NMS: variants seen among roughly 807,000 people sequenced by gnomAD.
The protein encoded by NMS is neuromedin S, also known as neuromedin-S.
NMS carries 30 observed loss-of-function variants against 32.2 expected under a neutral mutation model. That is an observed-to-expected ratio of 0.93 (90% CI 0.70 to 1.26). NMS has a LOEUF of 1.26. Among genes scored for constraint, NMS ranks in the 50% most tolerant of loss-of-function variants. NMS has a pLI of 0.00. For synonymous variants in NMS, 76 were observed against 58.5 expected (o/e 1.30, Z -1.37); for missense variants, 190 against 186.3 (o/e 1.02, Z -0.12).
chr2:100,480,141 T>A (rs7568283), intron 6 of NMS, among the ~76,000 whole-genome samples: 48,917 of 152,084 alleles, frequency 0.32, 8,934 homozygotes, highest in African/African-American at 0.49. Flanking sequence ...CTTACACCAG[T>A]TTCACAGGCA....
intron 8 of NMS, among the ~76,000 whole-genome samples, chr2:100,482,028 AG>A (rs981802808): frequency 6.6e-6 from 1 of 151,914 alleles, no homozygotes; most frequent in Non-Finnish European, 1.5e-5. Flanking sequence ...CAAAGACTAA[AG>A]GGGGGGGATG....
chr2:100,477,329 C>A, intron 4 of NMS, 32 bp from the exon 5 acceptor site: 3 of 1,606,228 alleles, frequency 1.9e-6, no homozygotes, highest in Non-Finnish European at 1.7e-6. Context: ...AAGTGACACT[C>A]GATACTAATA....
Position 100,473,480 on chromosome 2 carries a change from A to AT in NMS, c.133-3dup. On this transcript the variant is annotated splice_polypyrimidine_tract_variant and intron_variant, in intron 2 of 9. Transcript: ENST00000376865. ...CCCTTTGATTTGTTTTCTTCATTTT[A>AT]TTTTTTAGCAGCTGGCATATTGTCT... The AT allele has an allele frequency of 6.8e-7, 1 of 1,481,028 alleles. No individual in the cohort carries two copies. Among genetic ancestry groups the AT allele is most frequent in the Non-Finnish European group, 9.0e-7 (1 of 1,106,148 alleles). 91.7% of individuals were successfully genotyped at this position (1,481,028 alleles called of 1,614,324 possible).
At position 100,472,825 on chromosome 2, in the gene NMS, A is replaced by G. The variant is rs778733310; in HGVS notation, c.107A>G (p.Asp36Gly). The G allele has an allele frequency of 8.7e-6, 14 of 1,611,132 alleles. No individual in the cohort carries two copies. The highest frequency in any genetic ancestry group is 1.1e-5 in the Non-Finnish European group (13 of 1,177,738). The change falls in exon 2 of 10, where the codon GAT (aspartate) becomes GGT (glycine). Residue 36 changes from aspartate (D) to glycine (G), a missense_variant. By Grantham distance (94) the Asp-to-Gly change is moderately conservative (BLOSUM62 -1). Transcript: ENST00000376865. Reference protein sequence around the residue: ...GFPQPLADPSDGLDIVQLEQL... With the variant: ...GFPQPLADPSGGLDIVQLEQL... The stretch of plus-strand genomic sequence containing the variant: ...CCTCAACCTTTAGCTGATCCTTCAG[A>G]TGGCTTGGATATTGTGCAGCTTGAG...
intron 3 of NMS, among the ~76,000 whole-genome samples, chr2:100,476,975 C>T (rs1176267803): frequency 6.6e-6 from 1 of 152,148 alleles, no homozygotes; most frequent in Non-Finnish European, 1.5e-5. Context: ...GAGAGTAGGT[C>T]TCTCCTCCCC....
intron 6 of NMS, among the ~76,000 whole-genome samples, chr2:100,479,917 AAAT>A (rs1267783783): frequency 6.6e-6 from 1 of 152,240 alleles, no homozygotes; most frequent in African/African-American, 2.4e-5. Context: ...TAGCAAAAAT[AAAT>A]AAACAAATAG....
intron 9 of NMS, among the ~76,000 whole-genome samples, chr2:100,482,671 G>A (rs1052803234): frequency 6.6e-6 from 1 of 152,264 alleles, no homozygotes; most frequent in East Asian, 1.9e-4. Flanking sequence ...ACACCACCCT[G>A]TCATGCTTGG....
Position 100,477,343 on chromosome 2 carries a change from C to T in NMS, c.208-18C>T. On this transcript the variant is annotated intron_variant, in intron 4 of 9. Coordinates refer to ENST00000376865, the MANE Select transcript of NMS (RefSeq NM_001011717.1). ...CAAGTGACACTCGATACTAATATCA[C>T]TTTCTTTTCTTATTTAGTTTTTGTT... 6.2e-6 allele frequency: 10 copies of T among 1,612,556 alleles called. No homozygotes were observed. Among genetic ancestry groups the T allele is most frequent in the Non-Finnish European group, 8.5e-6 (10 of 1,178,642 alleles).
intron 5 of NMS, among the ~76,000 whole-genome samples, chr2:100,478,541 C>A (rs1226704323): frequency 6.6e-6 from 1 of 152,206 alleles, no homozygotes; most frequent in Non-Finnish European, 1.5e-5. Context: ...CAGCTCACTG[C>A]AATCTCCGCC....
intron 3 of NMS, among the ~76,000 whole-genome samples, chr2:100,474,707 T>A (rs570460099): frequency 6.6e-6 from 1 of 152,370 alleles, no homozygotes; most frequent in Non-Finnish European, 1.5e-5. Flanking sequence ...GTGCTAGTTG[T>A]TGCCATTGCC....
Position 100,479,473 on chromosome 2 carries a change from C to G in NMS, c.336+46C>G, listed in dbSNP as rs1244730992. On this transcript the variant is annotated intron_variant, in intron 6 of 9. Transcript: ENST00000376865. ...ACCATAGTTTATGCCCCTCACAGTTCATTGAATCGTGGTAAAAGCATGCTG... is the reference window on the plus strand; with the variant it reads ...ACCATAGTTTATGCCCCTCACAGTTGATTGAATCGTGGTAAAAGCATGCTG... 2.7e-6 allele frequency: 4 copies of G among 1,501,998 alleles called. No homozygotes were observed. The South Asian group carries it at 3.6e-5, about 13-fold the overall frequency. 93.0% of individuals were successfully genotyped at this position (1,501,998 alleles called of 1,614,324 possible).
chr2:100,483,151 T>A (rs778833752), intron 9 of NMS, 101 bp from the exon 10 acceptor site: 43 of 1,019,366 alleles, frequency 4.2e-5, no homozygotes, highest in Non-Finnish European at 5.7e-5. Flanking sequence ...CAAACTGAGG[T>A]CTAATTGTAA....
chr2:100,482,710 C>T (rs1677243402), intron 9 of NMS, among the ~76,000 whole-genome samples: 1 of 152,182 alleles, frequency 6.6e-6, no homozygotes, highest in African/African-American at 2.4e-5. Flanking sequence ...CTGGAAGCTA[C>T]CAGGCTCCCT....
intron 1 of NMS, among the ~76,000 whole-genome samples, chr2:100,471,923 A>C (rs1273692092): frequency 6.6e-6 from 1 of 152,154 alleles, no homozygotes; most frequent in Non-Finnish European, 1.5e-5. Context: ...TCCAGAGAAA[A>C]CTATGCTCAG....
intron 9 of NMS, 136 bp downstream of exon 9, chr2:100,482,447 A>T: frequency 1.3e-6 from 1 of 790,598 alleles, no homozygotes; most frequent in African/African-American, 1.7e-5. Flanking sequence ...ACCCCCAGGA[A>T]CTCTGCCCCT....
rs112762301 is a variant in NMS at position 100,477,286 on chromosome 2, T to C, written c.207+19T>C. On this transcript the variant is annotated intron_variant, in intron 4 of 9. Transcript: ENST00000376865. ...CAAAAGGGTGAGTACCACCTAGCCC[T>C]GTACAAGTGCATGCAGCTTCCATGT... The C allele has an allele frequency of 1.2e-6, 2 of 1,612,204 alleles. No individual in the cohort carries two copies. The highest frequency in any genetic ancestry group is 1.7e-5 in the Admixed American group (1 of 60,018).
intron 1 of NMS, among the ~76,000 whole-genome samples, chr2:100,471,916 A>G (rs1167119174): frequency 6.6e-6 from 1 of 152,232 alleles, no homozygotes. Flanking sequence ...TCCTGTTTCC[A>G]GAGAAAACTA....
intron 8 of NMS, among the ~76,000 whole-genome samples, chr2:100,481,700 T>G (rs1244837731): frequency 6.6e-6 from 1 of 152,184 alleles, no homozygotes. Context: ...TGTGAATCAC[T>G]GGCGCTAAAA....
chr2:100,480,727 C>A (rs1378288085), intron 7 of NMS, among the ~76,000 whole-genome samples, 196 bp downstream of exon 7: 6 of 152,168 alleles, frequency 3.9e-5, no homozygotes, highest in African/African-American at 1.4e-4. Context: ...AACCTTAGGG[C>A]AATGCCTCTG....
Sources: gnomAD v4.1 joint callset for allele counts (sites outside exome capture counted in the v4.1 genomes callset) on GRCh38, gnomAD v4.1.1 for gene constraint, MANE v1.5 for transcripts, NCBI Gene and HGNC (gene_info 2026-07-23, HGNC 2026-07-21) for gene names.